CCDC158: variants seen among roughly 807,000 people sequenced by gnomAD.
CCDC158 encodes coiled-coil domain containing 158.
Under a neutral mutation model 138.6 loss-of-function variants are expected in CCDC158, and 116 were observed. That is an observed-to-expected ratio of 0.84 (90% confidence interval 0.72 to 0.98). The LOEUF is 0.98. CCDC158 is among the 50% of genes least tolerant of loss of function. The pLI is 0.00. For missense variants in CCDC158, 1,265 were observed against 1,306.1 expected (o/e 0.97, Z 0.48); for synonymous variants, 436 against 442.4 (o/e 0.99, Z 0.18).
chr4:76,315,461 G>A (rs939973279), intron 24 of CCDC158, among the ~76,000 whole-genome samples: 1 of 152,108 alleles, frequency 6.6e-6, no homozygotes, highest in African/African-American at 2.4e-5. Flanking sequence ...ATCATAGCTT[G>A]TGCCGTCTTG....
chr4:76,348,487 G>C (rs1298711917), intron 18 of CCDC158, among the ~76,000 whole-genome samples: 1 of 148,648 alleles, frequency 6.7e-6, no homozygotes, highest in African/African-American at 2.5e-5. Context: ...TAAGGGCAGA[G>C]CCCTTATGAC....
At chr4:76,405,636 G>A (rs1728757368) in intron 2 of CCDC158, among the ~76,000 whole-genome samples, 1 of 152,124 alleles carries the variant, frequency 6.6e-6, no homozygotes, top group South Asian at 2.1e-4. Context: ...TAAATATTAT[G>A]TGCATGACAA....
intron 1 of CCDC158, among the ~76,000 whole-genome samples, chr4:76,420,702 C>T (rs1730049246): frequency 6.6e-6 from 1 of 152,196 alleles, no homozygotes; most frequent in South Asian, 2.1e-4. Flanking sequence ...GATTCTCTTC[C>T]CCACAAATCA....
intron 10 of CCDC158, among the ~76,000 whole-genome samples, chr4:76,370,387 T>A (rs1218072367): frequency 6.6e-6 from 1 of 152,014 alleles, no homozygotes; most frequent in African/African-American, 2.4e-5. Context: ...GTGCACTGGG[T>A]CCGGGTAGAG....
chr4:76,380,521 T>C (rs1409460956), intron 8 of CCDC158, among the ~76,000 whole-genome samples: 1 of 152,162 alleles, frequency 6.6e-6, no homozygotes, highest in Non-Finnish European at 1.5e-5. Context: ...GCATTCAAGA[T>C]GTCACCTGAC....
intron 12 of CCDC158, among the ~76,000 whole-genome samples, chr4:76,365,931 G>T (rs1578985399): frequency 6.6e-6 from 1 of 152,300 alleles, no homozygotes; most frequent in South Asian, 2.1e-4. Flanking sequence ...AAACCACAAG[G>T]TAGTGCTGCT....
Position 76,383,689 on chromosome 4 carries a change from T to C in CCDC158, c.776A>G (p.Glu259Gly). Residue 259 changes from glutamate (E) to glycine (G), a missense_variant, in exon 7 of 25, where the codon GAA (glutamate) becomes GGA (glycine). Glu to Gly is a moderately conservative substitution (Grantham distance 98, BLOSUM62 -2). Coordinates refer to ENST00000682701, the MANE Select transcript of CCDC158 (RefSeq NM_001394954.1). The part of the protein sequence containing the change: ...ALKSESQNKI[E>G]LLLQQHQDRI... ...ATCTTGGTGTTGTTGCAGAAGTAGT[T>C]CTATTTTGTTCTGTGATTCAGATTT... The C allele has an allele frequency of 6.2e-7, 1 of 1,613,728 alleles. No individual in the cohort carries two copies. The highest frequency in any genetic ancestry group is 8.5e-7 in the Non-Finnish European group (1 of 1,179,652).
Position 76,421,046 on chromosome 4 carries a change from C to T in CCDC158, c.-198G>A, listed in dbSNP as rs1161323674. Among the ~76,000 whole-genome samples the T allele has an allele frequency of 6.6e-6, 1 of 152,066 alleles. No individual in the cohort carries two copies. Among genetic ancestry groups the T allele is most frequent in the African/African-American group, 2.4e-5 (1 of 41,428 alleles). On this transcript the variant is annotated 5_prime_UTR_variant, in exon 1 of 25. Coordinates refer to ENST00000682701, the MANE Select transcript of CCDC158 (RefSeq NM_001394954.1). The stretch of plus-strand genomic sequence containing the variant: ...GCGCAGCGGCCCCACCTACGTCGAC[C>T]TGGCGGCTGGGACGGGGCGGCTCCC...
intron 8 of CCDC158, among the ~76,000 whole-genome samples, chr4:76,380,506 GC>G (rs1726131499): frequency 1.3e-5 from 2 of 152,168 alleles, no homozygotes; most frequent in Non-Finnish European, 2.9e-5. Context: ...TTTCTAAGCA[GC>G]AAAGCATTCA....
At position 76,351,091 on chromosome 4, in the gene CCDC158, A is replaced by C. The variant is rs1318974486; in HGVS notation, c.2569T>G (p.Ser857Ala). 1 of 1,613,846 alleles carries C rather than the reference A, an allele frequency of 6.2e-7. No individual in the cohort carries two copies. Among genetic ancestry groups the C allele is most frequent in the South Asian group, 1.1e-5 (1 of 91,064 alleles). ...TGGAGAAGGCGTGGTTTCAATGAAGAATTTGAGGTGTATCCAGGGCCCTGA... is the reference window on the plus strand; with the variant it reads ...TGGAGAAGGCGTGGTTTCAATGAAGCATTTGAGGTGTATCCAGGGCCCTGA... ...ELQGPGYTSNSSLKPRLLQPA... is the reference protein window; with the variant it reads ...ELQGPGYTSNASLKPRLLQPA... The change falls in exon 18 of 25, where the codon TCT (serine) becomes GCT (alanine). Residue 857 changes from serine (S) to alanine (A), a missense_variant. By Grantham distance (99) the Ser-to-Ala change is moderately conservative. Transcript: ENST00000682701.
At chr4:76,395,224 T>C (rs1236249572) in intron 4 of CCDC158, among the ~76,000 whole-genome samples, 1 of 152,222 alleles carries the variant, frequency 6.6e-6, no homozygotes, top group Non-Finnish European at 1.5e-5. Flanking sequence ...TCATAGGTAA[T>C]GCCACTGTTT....
intron 9 of CCDC158, among the ~76,000 whole-genome samples, chr4:76,372,050 G>T (rs1410308064): frequency 6.7e-6 from 1 of 150,282 alleles, no homozygotes; most frequent in Non-Finnish European, 1.5e-5. Context: ...GAAATATTTA[G>T]TACTGTTGAA....
At chr4:76,373,702 C>G (rs927497217) in intron 9 of CCDC158, among the ~76,000 whole-genome samples, 4 of 151,952 alleles carry the variant, frequency 2.6e-5, no homozygotes, top group African/African-American at 9.7e-5. Flanking sequence ...TAAGAAAGTA[C>G]TAATATAGGA....
chr4:76,371,343 A>G, intron 10 of CCDC158, 74 bp downstream of exon 10: 9 of 1,431,264 alleles, frequency 6.3e-6, no homozygotes, highest in Non-Finnish European at 8.7e-6. Context: ...TATAAAGGAA[A>G]CGAGTTTTGT....
chr4:76,340,814 T>C (rs2110132389), intron 18 of CCDC158, among the ~76,000 whole-genome samples: 1 of 152,272 alleles, frequency 6.6e-6, no homozygotes, highest in Non-Finnish European at 1.5e-5. Flanking sequence ...GTAATGCACT[T>C]AAATCATCCC....
Position 76,384,544 on chromosome 4 carries a change from A to C in CCDC158, c.398+12T>G. 6.3e-7 allele frequency: 1 copy of C among 1,594,742 alleles called. No individual in the cohort carries two copies. Among genetic ancestry groups the C allele is most frequent in the East Asian group, 2.2e-5 (1 of 44,790 alleles). ...AAATATGTGACTTTAAAATAATTTCACAAATCCCAACCTGATGTCAGCCAT... is the reference window on the plus strand; with the variant it reads ...AAATATGTGACTTTAAAATAATTTCCCAAATCCCAACCTGATGTCAGCCAT... On this transcript the variant is annotated intron_variant, in intron 5 of 24. Coordinates refer to ENST00000682701, the MANE Select transcript of CCDC158 (RefSeq NM_001394954.1).
At chr4:76,327,692 C>T (rs1382884500) in intron 22 of CCDC158, among the ~76,000 whole-genome samples, 2 of 152,088 alleles carry the variant, frequency 1.3e-5, no homozygotes, top group Non-Finnish European at 2.9e-5. Flanking sequence ...TGGTCATTGA[C>T]CAAAACATTA....
intron 8 of CCDC158, among the ~76,000 whole-genome samples, chr4:76,382,048 C>G (rs891577840): frequency 1.3e-5 from 2 of 152,130 alleles, no homozygotes; most frequent in African/African-American, 2.4e-5. Flanking sequence ...ATTGTAATCA[C>G]CATGTGTCAG....
At chr4:76,351,900 T>C in intron 16 of CCDC158, 88 bp from the exon 17 acceptor site, 1 of 769,850 alleles carries the variant, frequency 1.3e-6, no homozygotes, top group Admixed American at 2.5e-5. Context: ...CTGCCATCTC[T>C]TCAAAAAATC....
Sources: gnomAD v4.1 joint callset for allele counts (sites outside exome capture counted in the v4.1 genomes callset) on GRCh38, gnomAD v4.1.1 for gene constraint, MANE v1.5 for transcripts, NCBI Gene and HGNC (gene_info 2026-07-23, HGNC 2026-07-21) for gene names.